The following TMEM178B variants were observed in gnomAD, a reference collection of about 807,000 sequenced individuals.
The protein encoded by TMEM178B is transmembrane protein 178B.
In TMEM178B, 5 loss-of-function variants were observed where a neutral mutation model predicts 31.0. The ratio of observed to expected loss-of-function variants is 0.16; its 90% confidence interval spans 0.08 to 0.34. TMEM178B has a LOEUF of 0.34. Ranked by LOEUF, TMEM178B falls within the 10% of genes least tolerant of loss-of-function variation. The pLI is 1.00. For missense variants in TMEM178B, 275 were observed against 400.3 expected, an observed-to-expected ratio of 0.69 and a Z score of 2.67; for synonymous variants, 164 against 164.0, an observed-to-expected ratio of 1.00 and a Z score of 0.00.
At chr7:141,094,177 G>A (rs905473767) in intron 1 of TMEM178B, among the ~76,000 whole-genome samples, 1 of 151,558 alleles carries the variant, frequency 6.6e-6, no homozygotes, top group Non-Finnish European at 1.5e-5. Flanking sequence ...AGGAAGGTGG[G>A]AAAAAAAAGA....
At chr7:141,162,007 C>T (rs1236360354) in intron 1 of TMEM178B, among the ~76,000 whole-genome samples, 1 of 152,114 alleles carries the variant, frequency 6.6e-6, no homozygotes, top group Non-Finnish European at 1.5e-5. Flanking sequence ...GGGAGGCATC[C>T]TTCCCAGCGC....
intron 3 of TMEM178B, among the ~76,000 whole-genome samples, chr7:141,464,480 C>T (rs1259921357): frequency 1.3e-5 from 2 of 152,152 alleles, no homozygotes; most frequent in African/African-American, 4.8e-5. Context: ...TTCACTTCAT[C>T]TTCAACTTTT....
chr7:141,456,743 T>C (rs1801970988), intron 3 of TMEM178B, among the ~76,000 whole-genome samples: 1 of 152,146 alleles, frequency 6.6e-6, no homozygotes, highest in Admixed American at 6.5e-5. Flanking sequence ...CCACGGACCA[T>C]TGTCATTCAC....
At chr7:141,211,590 T>G (rs1797053872) in intron 1 of TMEM178B, among the ~76,000 whole-genome samples, 1 of 152,178 alleles carries the variant, frequency 6.6e-6, no homozygotes, top group African/African-American at 2.4e-5. Context: ...TTCACAATGC[T>G]CTGACATTGA....
In TMEM178B at chr7:141,477,255, CTG is replaced by C. The variant is rs1802388878; in HGVS notation, c.*6471_*6472del. The C allele has an allele frequency of 6.5e-6, 1 of 154,776 alleles. No individual in the cohort carries two copies. Among genetic ancestry groups the C allele is most frequent in the Admixed American group, 6.5e-5 (1 of 15,296 alleles). 9.6% of individuals were successfully genotyped at this position (154,776 alleles called of 1,614,324 possible). ...TGACTGTTTTGCTATTCAAGACTATCTGTAAAAATGTACAAATAAAAGTGAAA... is the reference window on the plus strand; with the variant it reads ...TGACTGTTTTGCTATTCAAGACTATCTAAAAATGTACAAATAAAAGTGAAA... On this transcript the variant is annotated 3_prime_UTR_variant, in exon 4 of 4. Transcript: ENST00000565468.
chr7:141,102,591 A>T (rs981782400), intron 1 of TMEM178B, among the ~76,000 whole-genome samples: 1 of 152,202 alleles, frequency 6.6e-6, no homozygotes, highest in Non-Finnish European at 1.5e-5. Context: ...GTTTCTAAGC[A>T]TATGCAGGTT....
chr7:141,315,527 G>A (rs1798987101), intron 2 of TMEM178B, among the ~76,000 whole-genome samples: 1 of 152,136 alleles, frequency 6.6e-6, no homozygotes, highest in Non-Finnish European at 1.5e-5. Context: ...GTCTAGATTA[G>A]GATCTATTTT....
chr7:141,333,374 A>G lies in TMEM178B; in HGVS notation c.497-104234A>G, dbSNP rs1057186027. 4.1e-4 allele frequency among the ~76,000 whole-genome samples: 63 copies of G among 152,090 alleles called. 1 individual carries two copies. Among genetic ancestry groups the G allele is most frequent in the African/African-American group, 1.1e-3 (45 of 41,412 alleles). ...CCCTTTCTGGTTTCAGCAATCTCTT[A>G]TTTGGCTTTTCTGCCTATGAAACCA... On this transcript the variant is annotated intron_variant, in intron 2 of 3. Coordinates refer to ENST00000565468, the MANE Select transcript of TMEM178B (RefSeq NM_001195278.2).
intron 2 of TMEM178B, among the ~76,000 whole-genome samples, chr7:141,256,424 G>A (rs759471626): frequency 5.9e-5 from 9 of 152,172 alleles, no homozygotes; most frequent in South Asian, 2.1e-4. Flanking sequence ...AGCAAGTGCC[G>A]AGGCCCTAAG....
At chr7:141,083,201 A>C (rs906225167) in intron 1 of TMEM178B, among the ~76,000 whole-genome samples, 2 of 152,214 alleles carry the variant, frequency 1.3e-5, no homozygotes, top group African/African-American at 4.8e-5. Context: ...CAATCCACAG[A>C]GAGAGGAGGA....
At chr7:141,317,138 G>T (rs1260773746) in intron 2 of TMEM178B, among the ~76,000 whole-genome samples, 2 of 152,018 alleles carry the variant, frequency 1.3e-5, no homozygotes, top group African/African-American at 4.8e-5. Flanking sequence ...AAACTTTGCT[G>T]TATTGCATAC....
chr7:141,110,267 C>A (rs1435929119), intron 1 of TMEM178B, among the ~76,000 whole-genome samples: 2 of 152,178 alleles, frequency 1.3e-5, no homozygotes, highest in Admixed American at 1.3e-4. Flanking sequence ...AAAGCCCCTT[C>A]CCCCAAGGGC....
At chr7:141,406,595 A>G (rs746881196) in intron 2 of TMEM178B, among the ~76,000 whole-genome samples, 1 of 152,176 alleles carries the variant, frequency 6.6e-6, no homozygotes, top group Non-Finnish European at 1.5e-5. Context: ...AAAGGACCAT[A>G]TTTCCATAAT....
intron 1 of TMEM178B, among the ~76,000 whole-genome samples, chr7:141,080,928 G>A (rs1794671974): frequency 6.6e-6 from 1 of 152,158 alleles, no homozygotes; most frequent in Admixed American, 6.5e-5. Context: ...CTGCACTGCC[G>A]GCGGTATAGA....
chr7:141,346,946 T>C (rs1799629999), intron 2 of TMEM178B, among the ~76,000 whole-genome samples: 2 of 152,170 alleles, frequency 1.3e-5, no homozygotes, highest in Non-Finnish European at 2.9e-5. Flanking sequence ...TCTAGTGGTT[T>C]AGCACCATCG....
At chr7:141,503,778 T>C in the TMEM178B span, among the ~76,000 whole-genome samples, 1 of 152,212 alleles carries the variant, frequency 6.6e-6, no homozygotes, top group Non-Finnish European at 1.5e-5. Context: ...CATGTGCAAA[T>C]TGGGGCAATG....
chr7:141,419,972 T>C (rs1320000618), intron 2 of TMEM178B, among the ~76,000 whole-genome samples: 1 of 152,224 alleles, frequency 6.6e-6, no homozygotes, highest in Non-Finnish European at 1.5e-5. Context: ...AGCAGACTCC[T>C]GCCTCAGTGC....
At chr7:141,229,084 AATG>A (rs1797393599) in intron 2 of TMEM178B, among the ~76,000 whole-genome samples, 1 of 112,092 alleles carries the variant, frequency 8.9e-6, no homozygotes, top group Admixed American at 9.0e-5. Context: ...TTTTTTGCAA[AATG>A]ATGTGTGTGT....
chr7:141,199,741 A>G (rs1204270759), intron 1 of TMEM178B, among the ~76,000 whole-genome samples: 3 of 152,056 alleles, frequency 2.0e-5, no homozygotes, highest in African/African-American at 4.8e-5. Flanking sequence ...GCAGGCCACC[A>G]TGCCTGGCTA....
Sources: allele counts gnomAD v4.1 joint callset (sites outside exome capture counted in the v4.1 genomes callset), GRCh38; gene constraint gnomAD v4.1.1; transcripts MANE v1.5; gene names NCBI Gene and HGNC (gene_info 2026-07-23, HGNC 2026-07-21).